Variants in SEC31B observed in about 807,000 individuals in gnomAD.
SEC31B encodes the protein SEC31 homolog B, COPII component.
Under a neutral mutation model 135.0 loss-of-function variants are expected in SEC31B, and 113 were observed. The observed-to-expected ratio is 0.84, with a 90% CI of 0.72 to 0.98. SEC31B has a LOEUF of 0.98. SEC31B is among the 50% of genes least tolerant of loss of function. The pLI, the probability that SEC31B is intolerant of heterozygous loss-of-function variation, is 0.00. For synonymous variants in SEC31B, 508 were observed against 549.4 expected (o/e 0.92, Z 1.05); for missense variants, 1,296 against 1,421.1 (o/e 0.91, Z 1.42).
intron 3 of SEC31B, among the ~76,000 whole-genome samples, chr10:100,510,935 G>C (rs371218193): frequency 6.6e-6 from 1 of 152,220 alleles, no homozygotes; most frequent in Admixed American, 6.5e-5. Flanking sequence ...GGGGTAGAGG[G>C]CATGTCAACT....
intron 18 of SEC31B, 57 bp from the exon 19 acceptor site, chr10:100,495,603 G>A (rs1851393067): frequency 1.9e-6 from 3 of 1,546,112 alleles, no homozygotes; most frequent in Admixed American, 3.9e-5. Flanking sequence ...CAAGGCCCCA[G>A]GTAGCAGTCA....
intron 7 of SEC31B, 109 bp downstream of exon 7, chr10:100,507,316 A>T: frequency 7.1e-7 from 1 of 1,410,132 alleles, no homozygotes; most frequent in Non-Finnish European, 9.9e-7. Context: ...GAATGGCTTT[A>T]AAGCCAGGGA....
At chr10:100,507,767 C>A in intron 6 of SEC31B, 141 bp downstream of exon 6, 1 of 1,327,148 alleles carries the variant, frequency 7.5e-7, no homozygotes, top group South Asian at 1.3e-5. Context: ...TTTTCACTCT[C>A]AATAGGAAAT....
chr10:100,488,843 A>C lies in SEC31B; in HGVS notation c.3288+15T>G. 1 of 1,566,546 alleles carries C rather than the reference A, an allele frequency of 6.4e-7. No individual in the cohort carries two copies. Among genetic ancestry groups the C allele is most frequent in the South Asian group, 1.2e-5 (1 of 83,196 alleles). On this transcript the variant is annotated intron_variant, in intron 24 of 25. Transcript: ENST00000370345. The stretch of plus-strand genomic sequence containing the variant: ...GGGGTGCGAGGAGGGCACTGTGAAG[A>C]AGGTTCAGACTTACTAAGTCAGTTG...
chr10:100,509,529 T>G lies in SEC31B; in HGVS notation c.204-18A>C. The G allele has an allele frequency of 6.3e-7, 1 of 1,590,192 alleles. No homozygotes were observed. The highest frequency in any genetic ancestry group is 8.6e-7 in the Non-Finnish European group (1 of 1,165,944). On this transcript the variant is annotated intron_variant, in intron 3 of 25. Transcript: ENST00000370345. The stretch of plus-strand genomic sequence containing the variant: ...TGTGAAACCTATAAAGAGGAGGAAC[T>G]GGCATCAGTACAAACTTAGGTTCAT...
chr10:100,502,213 TG>T, intron 11 of SEC31B, 40 bp downstream of exon 11: 1 of 1,527,512 alleles, frequency 6.5e-7, no homozygotes, highest in Non-Finnish European at 9.0e-7. Flanking sequence ...TTCCAGGCTT[TG>T]GGGAGACACT....
chr10:100,506,341 G>A lies in SEC31B; in HGVS notation c.862C>T (p.Arg288Trp), dbSNP rs541591094. 49 of 1,614,078 alleles carry A rather than the reference G, an allele frequency of 3.0e-5. No individual in the cohort carries two copies. The East Asian group carries it at 3.1e-4, about 10-fold the overall frequency. ...TSAKDSQILC[R>W]NLGSSEVVYK... The stretch of plus-strand genomic sequence containing the variant: ...CCTACCTCACTGCTCCCCAGGTTCC[G>A]GCACAAGATCTGGCTGTCCTTAGCA... Residue 288 changes from arginine (R) to tryptophan (W), a missense_variant, in exon 8 of 26, where the codon CGG (arginine) becomes TGG (tryptophan). Arg to Trp is a moderately radical substitution (Grantham distance 101). Transcript: ENST00000370345.
chr10:100,489,215 G>A (rs751679968), intron 23 of SEC31B, 37 bp downstream of exon 23: 1 of 1,570,962 alleles, frequency 6.4e-7, no homozygotes, highest in East Asian at 2.3e-5. Flanking sequence ...AGGGCTGGAA[G>A]GTTTCCCAAG....
rs770813691 is a variant in SEC31B at position 100,489,770 on chromosome 10, T to C, written c.2966-9A>G. ...CCAGGAATCTTGAGGTCCTATAGAA[T>C]AAAAAGATAGAGGTTTTTCGGCGCA... On this transcript the variant is annotated splice_polypyrimidine_tract_variant and intron_variant, in intron 21 of 25. Coordinates refer to ENST00000370345, the MANE Select transcript of SEC31B (RefSeq NM_015490.4). 2 of 1,613,834 alleles carry C rather than the reference T, an allele frequency of 1.2e-6. No homozygotes were observed. Among genetic ancestry groups the C allele is most frequent in the South Asian group, 2.2e-5 (2 of 91,068 alleles).
chr10:100,488,097 T>C lies in SEC31B; in HGVS notation c.3290A>G (p.Lys1097Arg). 6.2e-7 allele frequency: 1 copy of C among 1,613,962 alleles called. No individual in the cohort carries two copies. Among genetic ancestry groups the C allele is most frequent in the Non-Finnish European group, 8.5e-7 (1 of 1,179,892 alleles). Residue 1097 changes from lysine (K) to arginine (R), a missense_variant and splice_region_variant, in exon 25 of 26, where the codon AAG becomes AGG. Lys to Arg is a conservative substitution (Grantham distance 26). Transcript: ENST00000370345. Reference sequence around the variant, plus strand: ...TGCCTCTTCCAGCTTCCTTTTTGTCTTCTGCAGGGAAAGAAATGGATTCCA... The same window carrying C: ...TGCCTCTTCCAGCTTCCTTTTTGTCCTCTGCAGGGAAAGAAATGGATTCCA... ...QRCSLSATDL[K>R]TKRKLEEAAQ... is the part of the protein sequence containing the mutation.
In SEC31B at chr10:100,498,794, T is replaced by G. The variant is rs764755207; in HGVS notation, c.1595A>C (p.His532Pro). Residue 532 changes from histidine to proline, a missense_variant, in exon 14 of 26, where the codon CAC (histidine) becomes CCC (proline). By Grantham distance (77) the His-to-Pro change is moderately conservative. Transcript: ENST00000370345. ...GGAAGCAGAGGCTTCCTTTGTGGTGTGTTTGGAGGCCTGTATGAGGAAGGA... is the reference window on the plus strand; with the variant it reads ...GGAAGCAGAGGCTTCCTTTGTGGTGGGTTTGGAGGCCTGTATGAGGAAGGA... Reference protein sequence around the residue: ...QQAFCSQASKHTTKEASASSA... With the variant: ...QQAFCSQASKPTTKEASASSA... 51 of 1,613,192 alleles carry G rather than the reference T, an allele frequency of 3.2e-5. 1 individual carries two copies. The Admixed American group carries it at 8.3e-4, about 26-fold the overall frequency.
At position 100,489,262 on chromosome 10, in the gene SEC31B, AGTTCTCCTGGAACTCCTGGGG is replaced by A. The variant is rs751337770; in HGVS notation, c.3140_3160del (p.Pro1047_Glu1053del). The A allele has an allele frequency of 6.8e-6, 11 of 1,607,150 alleles. No individual in the cohort carries two copies. In the South Asian group the frequency reaches 1.2e-4, roughly 18 times the overall value. ...CATTGTCCTTGTCACCTGCAGGCTGAGTTCTCCTGGAACTCCTGGGGGAGCATGACTCACACTGGAGACAGG... is the reference window on the plus strand; with the variant it reads ...CATTGTCCTTGTCACCTGCAGGCTGAGAGCATGACTCACACTGGAGACAGG... On this transcript the variant is annotated inframe_deletion, in exon 23 of 26. Transcript: ENST00000370345.
chr10:100,488,815 C>T (rs1020205768), intron 24 of SEC31B, 43 bp downstream of exon 24: 9 of 1,529,884 alleles, frequency 5.9e-6, no homozygotes, highest in East Asian at 4.6e-5. Flanking sequence ...CTGGAGCCAG[C>T]GAGGGGTGCG....
Position 100,499,195 on chromosome 10 carries a change from G to A in SEC31B, c.1549C>T (p.Leu517Phe). The A allele has an allele frequency of 6.2e-7, 1 of 1,613,982 alleles. No individual in the cohort carries two copies. Residue 517 changes from leucine (L) to phenylalanine (F), a missense_variant, in exon 13 of 26, where the codon CTC (leucine) becomes TTC (phenylalanine). Coordinates refer to ENST00000370345, the MANE Select transcript of SEC31B (RefSeq NM_015490.4). ...GESPQPKGNDLNSDRQQAFCS... is the reference protein window; with the variant it reads ...GESPQPKGNDFNSDRQQAFCS... ...AAGGCCTGTTGTCTGTCACTGTTGA[G>A]GTCATTTCCCTTGGGCTGAGGACTC... is the stretch of plus-strand genomic sequence containing the variant.
chr10:100,499,084 G>A (rs1851467859), intron 13 of SEC31B, 76 bp downstream of exon 13: 3 of 1,177,090 alleles, frequency 2.5e-6, no homozygotes, highest in Non-Finnish European at 3.8e-6. Flanking sequence ...AAAGAAAAGG[G>A]CCAGGAAGGG....
At chr10:100,505,623 AT>A (rs1851615352) in intron 9 of SEC31B, 128 bp from the exon 10 acceptor site, 1 of 1,448,890 alleles carries the variant, frequency 6.9e-7, no homozygotes, top group Non-Finnish European at 9.0e-7. Context: ...AGACTCCCAT[AT>A]TCCAGGGGAT....
Position 100,495,511 on chromosome 10 carries a change from A to G in SEC31B, c.2346T>C (p.His782=). The change falls in exon 19 of 26, where the codon CAT becomes CAC. Residue 782 remains histidine (H), a synonymous_variant. Coordinates refer to ENST00000370345, the MANE Select transcript of SEC31B (RefSeq NM_015490.4). ...PVQQLRDRLF[H]AQGSAVLGQQ... is the part of the protein sequence containing the mutation. ...GGCCCAAGACAGCAGAACCTTGAGC[A>G]TGAAAAAGCCGATCTCTTAGCTGCT... 1 of 1,614,070 alleles carries G rather than the reference A, an allele frequency of 6.2e-7. No homozygotes were observed. Among genetic ancestry groups the G allele is most frequent in the Non-Finnish European group, 8.5e-7 (1 of 1,179,990 alleles).
intron 19 of SEC31B, among the ~76,000 whole-genome samples, chr10:100,494,409 T>C (rs1461981448): frequency 6.6e-6 from 1 of 152,214 alleles, no homozygotes; most frequent in Non-Finnish European, 1.5e-5. Context: ...TATGTCACTC[T>C]TCCTAAAACT....
At chr10:100,498,518 AG>A (rs1427049976) in intron 14 of SEC31B, among the ~76,000 whole-genome samples, 186 bp downstream of exon 14, 1 of 152,164 alleles carries the variant, frequency 6.6e-6, no homozygotes, top group African/African-American at 2.4e-5. Flanking sequence ...GGCCTTCCAT[AG>A]GAAGGACGTA....
Sources: gnomAD v4.1 joint callset for allele counts (sites outside exome capture counted in the v4.1 genomes callset) on GRCh38, gnomAD v4.1.1 for gene constraint, MANE v1.5 for transcripts, NCBI Gene and HGNC (gene_info 2026-07-23, HGNC 2026-07-21) for gene names.